Variants in RBMS3 observed in about 807,000 individuals in gnomAD.
The protein encoded by RBMS3 is RNA-binding motif, single-stranded-interacting protein 3.
Under a neutral mutation model 66.8 loss-of-function variants are expected in RBMS3, and 27 were observed. The ratio of observed to expected loss-of-function variants is 0.40; its 90% confidence interval spans 0.30 to 0.56. RBMS3 has a LOEUF of 0.56. Among genes scored for constraint, RBMS3 ranks in the 20% least tolerant of loss-of-function variants. RBMS3 has a pLI of 0.40. For synonymous variants in RBMS3, 188 were observed against 183.0 expected, an observed-to-expected ratio of 1.03 and a Z score of -0.22; for missense variants, 513 against 549.5, an observed-to-expected ratio of 0.93 and a Z score of 0.66.
At chr3:29,959,413 C>A (rs1255338748) in intron 12 of RBMS3, among the ~76,000 whole-genome samples, 1 of 152,054 alleles carries the variant, frequency 6.6e-6, no homozygotes, top group African/African-American at 2.4e-5. Flanking sequence ...ATCTACTGAA[C>A]CCAAAAGGGT....
intron 5 of RBMS3, among the ~76,000 whole-genome samples, chr3:29,748,877 G>C (rs9856401): frequency 0.46 from 70,249 of 151,808 alleles, 17,432 homozygotes; most frequent in African/African-American, 0.64. Flanking sequence ...TGGGGAAGGG[G>C]CAGGGGAGAG....
chr3:29,325,409 A>C (rs1342668257), intron 1 of RBMS3, among the ~76,000 whole-genome samples: 1 of 152,048 alleles, frequency 6.6e-6, no homozygotes, highest in Non-Finnish European at 1.5e-5. Context: ...AAAGTGTGTT[A>C]ATATATTATC....
chr3:29,328,312 A>T (rs975343631), intron 1 of RBMS3, among the ~76,000 whole-genome samples: 1 of 152,196 alleles, frequency 6.6e-6, no homozygotes, highest in African/African-American at 2.4e-5. Context: ...GAGAACAATT[A>T]TCTGTTTCGT....
At chr3:29,379,613 C>T (rs1012588121) in intron 1 of RBMS3, among the ~76,000 whole-genome samples, 3 of 152,306 alleles carry the variant, frequency 2.0e-5, no homozygotes, top group Non-Finnish European at 2.9e-5. Context: ...ATGAGAGCAG[C>T]ACGGGAAAGA....
At chr3:29,694,760 TA>T (rs2052186356) in intron 4 of RBMS3, among the ~76,000 whole-genome samples, 2 of 151,800 alleles carry the variant, frequency 1.3e-5, no homozygotes, top group African/African-American at 4.8e-5. Flanking sequence ...GGAGGAAGCA[TA>T]AAAAAATAAA....
intron 3 of RBMS3, among the ~76,000 whole-genome samples, chr3:29,525,253 T>C (rs2148981755): frequency 6.6e-6 from 1 of 152,164 alleles, no homozygotes; most frequent in South Asian, 2.1e-4. Context: ...GATTGTGTTA[T>C]TAGGGACTAT....
chr3:29,684,056 C>A (rs2051610812), intron 4 of RBMS3, among the ~76,000 whole-genome samples: 2 of 152,192 alleles, frequency 1.3e-5, no homozygotes, highest in African/African-American at 4.8e-5. Context: ...TGTGAGAAAC[C>A]AATTAATTAT....
At chr3:29,285,504 C>T (rs2032247975) in intron 1 of RBMS3, among the ~76,000 whole-genome samples, 1 of 152,100 alleles carries the variant, frequency 6.6e-6, no homozygotes, top group Non-Finnish European at 1.5e-5. Flanking sequence ...TATGTTTCTA[C>T]CAATCCAGTG....
At chr3:29,312,670 T>TTCTCTCTCTGTCTTCTTTTCCC (rs1361466899) in intron 1 of RBMS3, among the ~76,000 whole-genome samples, 106 of 151,722 alleles carry the variant, frequency 7.0e-4, no homozygotes, top group Non-Finnish European at 1.2e-3. Flanking sequence ...CTCTCTCCTT[T>TTCTCTCTCTGTCTTCTTTTCCC]TCTCTCTCTG....
chr3:29,488,348 C>T, intron 2 of RBMS3, 93 bp from the exon 3 acceptor site: 1 of 1,033,356 alleles, frequency 9.7e-7, no homozygotes, highest in South Asian at 1.4e-5. Flanking sequence ...TTTATGCATG[C>T]TCAGTTGTGT....
chr3:29,358,995 G>C (rs1488041795), intron 1 of RBMS3, among the ~76,000 whole-genome samples: 1 of 152,176 alleles, frequency 6.6e-6, no homozygotes, highest in East Asian at 1.9e-4. Context: ...TCTGCAAAGA[G>C]GGACAATTTG....
intron 2 of RBMS3, among the ~76,000 whole-genome samples, chr3:29,485,577 T>C (rs1478718387): frequency 1.3e-5 from 2 of 152,138 alleles, no homozygotes; most frequent in African/African-American, 2.4e-5. Flanking sequence ...CTACTTTGGC[T>C]AGAGAAGGCC....
intron 4 of RBMS3, among the ~76,000 whole-genome samples, chr3:29,630,416 G>GA (rs2049240802): frequency 6.6e-6 from 1 of 151,944 alleles, no homozygotes; most frequent in African/African-American, 2.4e-5. Flanking sequence ...CCATCTGAGA[G>GA]GAAGAATTGG....
chr3:29,840,992 T>C (rs1019250887), intron 6 of RBMS3, among the ~76,000 whole-genome samples: 1 of 152,036 alleles, frequency 6.6e-6, no homozygotes, highest in Non-Finnish European at 1.5e-5. Context: ...TCTTGTTTCC[T>C]AGCTCTTCAA....
chr3:29,963,136 A>G (rs1696595922), intron 12 of RBMS3, among the ~76,000 whole-genome samples: 1 of 152,042 alleles, frequency 6.6e-6, no homozygotes. Flanking sequence ...CAAAATTATA[A>G]CTTAAATTTG....
intron 3 of RBMS3, among the ~76,000 whole-genome samples, chr3:29,544,387 TTG>T (rs139517231): frequency 0.27 from 40,837 of 151,642 alleles, 7,948 homozygotes; most frequent in African/African-American, 0.55. Flanking sequence ...TCTTACAAAT[TTG>T]TTTTTTTTTA....
intron 7 of RBMS3, among the ~76,000 whole-genome samples, chr3:29,875,262 A>C (rs2059586395): frequency 6.6e-6 from 1 of 152,158 alleles, no homozygotes; most frequent in African/African-American, 2.4e-5. Flanking sequence ...AGGTAACATC[A>C]AACTATAACT....
intron 10 of RBMS3, among the ~76,000 whole-genome samples, chr3:29,913,148 T>A (rs574381732): frequency 3.3e-5 from 5 of 152,150 alleles, no homozygotes; most frequent in African/African-American, 1.2e-4. Flanking sequence ...AGGTGTAAAA[T>A]GTACTCCGTG....
chr3:29,654,911 C>A (rs967396752), intron 4 of RBMS3, among the ~76,000 whole-genome samples: 2 of 151,860 alleles, frequency 1.3e-5, no homozygotes, highest in African/African-American at 4.8e-5. Context: ...ATATTAACAA[C>A]TATTTTTAAA....
Sources: gnomAD v4.1 joint callset for allele counts (sites outside exome capture counted in the v4.1 genomes callset) on GRCh38, gnomAD v4.1.1 for gene constraint, MANE v1.5 for transcripts, NCBI Gene and HGNC (gene_info 2026-07-23, HGNC 2026-07-21) for gene names.